The following DCTN5 variants were observed in gnomAD, a reference collection of about 807,000 sequenced individuals.
DCTN5 encodes the protein dynactin 4.
A neutral mutation model predicts 23.5 loss-of-function variants in DCTN5; 14 were observed. The observed-to-expected ratio is 0.60, with a 90% CI of 0.39 to 0.93. The LOEUF (loss-of-function observed/expected upper bound fraction) is 0.93. Among genes scored for constraint, DCTN5 ranks in the 40% least tolerant of loss-of-function variants. DCTN5 has a pLI of 0.00. For synonymous variants in DCTN5, 67 were observed against 79.6 expected (o/e 0.84, Z 0.84); for missense variants, 156 against 225.9 (o/e 0.69, Z 1.98).
chr16:23,660,073 C>T (rs1372631428), intron 3 of DCTN5, among the ~76,000 whole-genome samples: 1 of 152,136 alleles, frequency 6.6e-6, no homozygotes, highest in Non-Finnish European at 1.5e-5. Context: ...ATACCAGAAC[C>T]AGATAATACT....
chr16:23,652,053 A>G (rs1254819702), intron 2 of DCTN5, among the ~76,000 whole-genome samples: 1 of 152,264 alleles, frequency 6.6e-6, no homozygotes, highest in Admixed American at 6.5e-5. Flanking sequence ...AAAATAAAAA[A>G]GAAAACCAAA....
chr16:23,647,661 C>T (rs1283880410), intron 2 of DCTN5, among the ~76,000 whole-genome samples: 4 of 151,640 alleles, frequency 2.6e-5, no homozygotes, highest in Admixed American at 6.6e-5. Context: ...TTGCGTGCCT[C>T]CATGCCTGGC....
intron 1 of DCTN5, chr16:23,642,613 G>C (rs569668298): frequency 5.1e-6 from 1 of 197,710 alleles, no homozygotes; most frequent in Admixed American, 5.7e-5. Flanking sequence ...CTTCTGAGGA[G>C]CTGGGACTAC....
intron 1 of DCTN5, 109 bp from the exon 2 acceptor site, chr16:23,642,846 C>T: frequency 1.1e-6 from 1 of 896,266 alleles, no homozygotes; most frequent in Admixed American, 1.8e-5. Flanking sequence ...TTGTGGACAG[C>T]ACCCCACTTT....
chr16:23,677,283 C>A lies in DCTN5; in HGVS notation c.*10139C>A, dbSNP rs1185991424. Reference sequence around the variant, plus strand: ...AGGAGGTGGTGGTGTTGGCACCCCCCAGCACAGGGCACAAGGGAGACTTGC... The same window carrying A: ...AGGAGGTGGTGGTGTTGGCACCCCCAAGCACAGGGCACAAGGGAGACTTGC... On this transcript the variant is annotated 3_prime_UTR_variant, in exon 6 of 6. Transcript: ENST00000300087. 6.6e-6 allele frequency: 1 copy of A among 152,192 alleles called. No homozygotes were observed. 9.4% of individuals were successfully genotyped at this position (152,192 alleles called of 1,614,324 possible). A position where few individuals can be genotyped will look rare whatever the true frequency, so the allele number is the denominator to read the frequency against.
At chr16:23,661,664 G>A (rs1436231269) in intron 4 of DCTN5, among the ~76,000 whole-genome samples, 4 of 151,944 alleles carry the variant, frequency 2.6e-5, no homozygotes, top group Admixed American at 2.6e-4. Flanking sequence ...GTTGCAATGA[G>A]CCAAGATTGC....
chr16:23,666,087 C>T, intron 5 of DCTN5: 1 of 198,666 alleles, frequency 5.0e-6, no homozygotes, highest in East Asian at 1.4e-4. Context: ...CAGAGAGATC[C>T]TCAAATACTC....
intron 4 of DCTN5, among the ~76,000 whole-genome samples, chr16:23,663,278 T>G (rs779093766): frequency 3.3e-5 from 5 of 152,246 alleles, no homozygotes; most frequent in Non-Finnish European, 7.3e-5. Context: ...CCTGCAGATT[T>G]GGTTTTCCAT....
chr16:23,641,670 C>G, intron 1 of DCTN5, 80 bp downstream of exon 1: 4 of 1,447,310 alleles, frequency 2.8e-6, no homozygotes, highest in Non-Finnish European at 3.9e-6. Flanking sequence ...CAACCTGCCC[C>G]TACCCCACCA....
At position 23,672,272 on chromosome 16, in the gene DCTN5, T is replaced by G. The variant is rs1156617636; in HGVS notation, c.*5128T>G. 6.6e-6 allele frequency: 1 copy of G among 152,202 alleles called. No homozygotes were observed. The highest frequency in any genetic ancestry group is 1.5e-5 in the Non-Finnish European group (1 of 68,040). 9.4% of individuals were successfully genotyped at this position (152,202 alleles called of 1,614,324 possible). On this transcript the variant is annotated 3_prime_UTR_variant, in exon 6 of 6. Transcript: ENST00000300087. ...TGTGCCTGTACTATTTGGAGTGCTG[T>G]CCTTGCAGAATCTCATTATAAGAAC...
intron 2 of DCTN5, among the ~76,000 whole-genome samples, chr16:23,654,388 G>A (rs764350068): frequency 5.3e-5 from 8 of 152,132 alleles, no homozygotes; most frequent in Non-Finnish European, 1.0e-4. Context: ...CATGGATGGA[G>A]CTGGAGGCTA....
At chr16:23,661,345 C>G (rs1438441560) in intron 4 of DCTN5, 64 bp downstream of exon 4, 2 of 1,144,388 alleles carry the variant, frequency 1.7e-6, no homozygotes, top group African/African-American at 3.1e-5. Flanking sequence ...TCCCTCACTT[C>G]GGTGGGACCC....
intron 2 of DCTN5, chr16:23,650,979 T>C (rs1967593162): frequency 7.1e-7 from 1 of 1,402,324 alleles, no homozygotes; most frequent in Admixed American, 2.7e-5. Context: ...CTGATTCTTT[T>C]TCAAAAGCAA....
In DCTN5 at chr16:23,675,230, G is replaced by A. The variant is rs1968069122; in HGVS notation, c.*8086G>A. 6.6e-6 allele frequency: 1 copy of A among 152,168 alleles called. No homozygotes were observed. Among genetic ancestry groups the A allele is most frequent in the Non-Finnish European group, 1.5e-5 (1 of 68,038 alleles). The allele number at this position is 152,168 out of a possible 1,614,324, so 9.4% of individuals were successfully genotyped here. On this transcript the variant is annotated 3_prime_UTR_variant, in exon 6 of 6. Transcript: ENST00000300087. ...AAAAAAAAAATGTTGGCCAGGCGCA[G>A]TGATGGATGCATATGATCCCAGCAC...
At chr16:23,665,814 A>G (rs552494096) in intron 5 of DCTN5, 86 bp downstream of exon 5, 4 of 1,097,836 alleles carry the variant, frequency 3.6e-6, no homozygotes, top group Admixed American at 4.2e-5. Flanking sequence ...TACGATTCCT[A>G]TCTCTGGCAA....
Position 23,674,659 on chromosome 16 carries a change from A to T in DCTN5, c.*7515A>T, listed in dbSNP as rs147225130. 68 of 152,340 alleles carry T rather than the reference A, an allele frequency of 4.5e-4. No individual in the cohort carries two copies. Among genetic ancestry groups the T allele is most frequent in the African/African-American group, 1.6e-3 (65 of 41,582 alleles). The allele number at this position is 152,340 out of a possible 1,614,324, so 9.4% of individuals were successfully genotyped here. A position where few individuals can be genotyped will look rare whatever the true frequency, so the allele number is the denominator to read the frequency against. ...GGTATTAGGCTTTTCTAGTCTGCTC[A>T]TTGAATAATCAGGACAAAAGGGGTA... On this transcript the variant is annotated 3_prime_UTR_variant, in exon 6 of 6. Coordinates refer to ENST00000300087, the MANE Select transcript of DCTN5 (RefSeq NM_032486.4).
At chr16:23,652,546 T>G (rs1321448679) in intron 2 of DCTN5, among the ~76,000 whole-genome samples, 1 of 152,224 alleles carries the variant, frequency 6.6e-6, no homozygotes, top group African/African-American at 2.4e-5. Flanking sequence ...ATTTTGAGTG[T>G]GCAGTTTGAC....
intron 4 of DCTN5, among the ~76,000 whole-genome samples, chr16:23,664,343 A>T (rs1424593115): frequency 6.6e-6 from 1 of 152,264 alleles, no homozygotes; most frequent in African/African-American, 2.4e-5. Flanking sequence ...TAAGAAGTTC[A>T]TTTAGCAATC....
intron 2 of DCTN5, among the ~76,000 whole-genome samples, chr16:23,645,907 A>G (rs1006850434): frequency 1.3e-5 from 2 of 152,176 alleles, no homozygotes; most frequent in Non-Finnish European, 2.9e-5. Flanking sequence ...CTAGGAGTGT[A>G]TATACTCAAT....
Sources: allele counts gnomAD v4.1 joint callset (sites outside exome capture counted in the v4.1 genomes callset), GRCh38; gene constraint gnomAD v4.1.1; transcripts MANE v1.5; gene names NCBI Gene and HGNC (gene_info 2026-07-23, HGNC 2026-07-21).